NALF1: variants seen among roughly 807,000 people sequenced by gnomAD.
The protein encoded by NALF1 is family with sequence similarity 155 member A.
In NALF1, 3 loss-of-function variants were observed where a neutral mutation model predicts 48.4. The observed-to-expected ratio is 0.06, with a 90% CI of 0.03 to 0.16. NALF1 has a LOEUF of 0.16. NALF1 is among the 10% of genes least tolerant of loss of function. NALF1 has a pLI of 1.00. For synonymous variants in NALF1, 262 were observed against 245.7 expected, an observed-to-expected ratio of 1.07 and a Z score of -0.62; for missense variants, 526 against 571.5, an observed-to-expected ratio of 0.92 and a Z score of 0.81.
At chr13:107,320,717 C>T (rs992377675) in intron 1 of NALF1, among the ~76,000 whole-genome samples, 12 of 152,190 alleles carry the variant, frequency 7.9e-5, no homozygotes, top group African/African-American at 2.9e-4. Context: ...GACAAACTCA[C>T]TCATTGCATT....
intron 1 of NALF1, among the ~76,000 whole-genome samples, chr13:107,244,987 G>A (rs760591107): frequency 6.6e-6 from 1 of 152,160 alleles, no homozygotes; most frequent in African/African-American, 2.4e-5. Context: ...TGTATTGGCT[G>A]AGCAAGAATA....
At chr13:107,383,741 T>C (rs193297338) in intron 1 of NALF1, among the ~76,000 whole-genome samples, 125 of 152,316 alleles carry the variant, frequency 8.2e-4, no homozygotes, top group Middle Eastern at 3.4e-3. Context: ...CATGCACTTG[T>C]TCCCTTAAAC....
At chr13:107,301,881 GAAC>G (rs576015776) in intron 1 of NALF1, among the ~76,000 whole-genome samples, 91 of 152,210 alleles carry the variant, frequency 6.0e-4, no homozygotes, top group Middle Eastern at 6.8e-3. Context: ...CTACAGCCAA[GAAC>G]AACTAGAAAA....
chr13:107,752,655 G>GA, intron 1 of NALF1, among the ~76,000 whole-genome samples: 1 of 152,248 alleles, frequency 6.6e-6, no homozygotes, highest in East Asian at 1.9e-4. Flanking sequence ...ATCTTAAAAA[G>GA]TTCCTTCTGA....
At chr13:107,528,795 G>A (rs960451011) in intron 1 of NALF1, among the ~76,000 whole-genome samples, 4 of 152,088 alleles carry the variant, frequency 2.6e-5, no homozygotes, top group African/African-American at 4.8e-5. Flanking sequence ...TCATCACGAC[G>A]ATTCATTAAT....
intron 1 of NALF1, among the ~76,000 whole-genome samples, chr13:107,555,757 G>GA (rs577271445): frequency 2.0e-5 from 3 of 151,518 alleles, no homozygotes; most frequent in African/African-American, 4.8e-5. Context: ...TATGTATAAT[G>GA]AAAAAAATGT....
intron 1 of NALF1, among the ~76,000 whole-genome samples, chr13:107,854,383 TA>T (rs1880390943): frequency 6.6e-6 from 1 of 152,260 alleles, no homozygotes; most frequent in Non-Finnish European, 1.5e-5. Context: ...TGAGAAGGCA[TA>T]CCTGCCTGAC....
intron 1 of NALF1, among the ~76,000 whole-genome samples, chr13:107,236,685 CTAT>C: frequency 7.7e-6 from 1 of 129,166 alleles, no homozygotes; most frequent in Non-Finnish European, 1.7e-5. Flanking sequence ...ATCTATCTAT[CTAT>C]CTATCTATCT....
chr13:107,818,829 G>A (rs3858810), intron 1 of NALF1, among the ~76,000 whole-genome samples: 34,548 of 118,388 alleles, frequency 0.29, 6,366 homozygotes, highest in East Asian at 0.8. Context: ...CCGAGATCGC[G>A]CCACTGCACT....
chr13:107,299,472 A>AAT (rs1344151094), intron 1 of NALF1, among the ~76,000 whole-genome samples: 3,133 of 29,920 alleles, frequency 0.1, 42 homozygotes, highest in Middle Eastern at 0.17. Flanking sequence ...TAATAATAAT[A>AAT]AATAAATAAA....
chr13:107,820,106 G>A (rs949420415), intron 1 of NALF1, among the ~76,000 whole-genome samples: 1 of 152,152 alleles, frequency 6.6e-6, no homozygotes, highest in Non-Finnish European at 1.5e-5. Flanking sequence ...TCTTTCTGCA[G>A]GAAGAAGTTC....
rs61241553 is a variant in NALF1 at position 107,469,733 on chromosome 13, C to CTTTTTT, written c.916-258984_916-258979dup. On this transcript the variant is annotated intron_variant, in intron 1 of 2. Transcript: ENST00000375915. ...TAAATGCGATGAGTCAACTGTGTAT[C>CTTTTTT]TTTTTTTTTTTTTTTTTTTTTTTTT... 6.3e-4 allele frequency among the ~76,000 whole-genome samples: 50 copies of CTTTTTT among 79,968 alleles called. 11 individuals carry two copies. Among genetic ancestry groups the CTTTTTT allele is most frequent in the East Asian group, 2.7e-3 (6 of 2,224 alleles). The allele number at this position is 79,968 out of a possible 152,430, so 52.5% of individuals were successfully genotyped here. A position where few individuals can be genotyped will look rare whatever the true frequency, so the allele number is the denominator to read the frequency against.
At chr13:107,702,686 T>C (rs1419619104) in intron 1 of NALF1, among the ~76,000 whole-genome samples, 1 of 152,112 alleles carries the variant, frequency 6.6e-6, no homozygotes, top group Admixed American at 6.5e-5. Flanking sequence ...TTCCTGATGC[T>C]CTCCCTCCTC....
intron 1 of NALF1, among the ~76,000 whole-genome samples, chr13:107,289,099 C>A (rs1341251277): frequency 6.6e-6 from 1 of 152,190 alleles, no homozygotes; most frequent in Non-Finnish European, 1.5e-5. Context: ...CAATCCACCA[C>A]TGTCACAGGA....
At position 107,810,094 on chromosome 13, in the gene NALF1, T is replaced by G. The variant is rs2138605701; in HGVS notation, c.915+55588A>C. Reference sequence around the variant, plus strand: ...ATTTTTCCTAGAAAGAAATTTACATTTTCTACTTCCTTACCAATCCTCTTT... The same window carrying G: ...ATTTTTCCTAGAAAGAAATTTACATGTTCTACTTCCTTACCAATCCTCTTT... On this transcript the variant is annotated intron_variant, in intron 1 of 2. Coordinates refer to ENST00000375915, the MANE Select transcript of NALF1 (RefSeq NM_001080396.3). Among the ~76,000 whole-genome samples, 2 of 152,214 alleles carry G rather than the reference T, an allele frequency of 1.3e-5. 1 individual carries two copies. Among genetic ancestry groups the G allele is most frequent in the African/African-American group, 4.8e-5 (2 of 41,544 alleles).
chr13:107,403,467 A>G (rs760161295), intron 1 of NALF1, among the ~76,000 whole-genome samples: 1 of 151,652 alleles, frequency 6.6e-6, no homozygotes, highest in Non-Finnish European at 1.5e-5. Context: ...TGAAGTGATT[A>G]GATTTTCAGA....
At chr13:107,342,592 T>G (rs1347431352) in intron 1 of NALF1, among the ~76,000 whole-genome samples, 1 of 152,178 alleles carries the variant, frequency 6.6e-6, no homozygotes, top group East Asian at 1.9e-4. Flanking sequence ...CAGATGCCAT[T>G]TGTTACATCA....
chr13:107,763,461 T>C (rs555591614), intron 1 of NALF1, among the ~76,000 whole-genome samples: 32 of 138,882 alleles, frequency 2.3e-4, no homozygotes, highest in Admixed American at 1.4e-4. Context: ...CTGTGTTTCA[T>C]ATTAAAATTC....
chr13:107,765,853 G>A (rs16971070), intron 1 of NALF1, among the ~76,000 whole-genome samples: 2,968 of 152,134 alleles, frequency 0.02, 104 homozygotes, highest in African/African-American at 0.067. Context: ...TTTAGAAAAC[G>A]CCTACTATTA....
Sources: gnomAD v4.1 joint callset for allele counts (sites outside exome capture counted in the v4.1 genomes callset) on GRCh38, gnomAD v4.1.1 for gene constraint, MANE v1.5 for transcripts, NCBI Gene and HGNC (gene_info 2026-07-23, HGNC 2026-07-21) for gene names.